The following UBR2 variants were observed in gnomAD, a reference collection of about 807,000 sequenced individuals.
UBR2 encodes the protein E3 ubiquitin-protein ligase UBR2.
In UBR2, 92 loss-of-function variants were observed where a neutral mutation model predicts 247.9. That is an observed-to-expected ratio of 0.37 (90% CI 0.31 to 0.44). The LOEUF is 0.44. Among genes scored for constraint, UBR2 ranks in the 20% least tolerant of loss-of-function variants. The pLI is 1.00. For missense variants in UBR2, 1,613 were observed against 2,112.6 expected (o/e 0.76, Z 4.64); for synonymous variants, 672 against 693.5 (o/e 0.97, Z 0.49).
intron 43 of UBR2, among the ~76,000 whole-genome samples, chr6:42,683,825 C>T (rs1174741635): frequency 6.6e-6 from 1 of 152,192 alleles, no homozygotes; most frequent in Non-Finnish European, 1.5e-5. Context: ...AGAATCCAAA[C>T]AGAAGTAATG....
chr6:42,669,281 C>T lies in UBR2; in HGVS notation c.3882-811C>T, dbSNP rs535456915. Among the ~76,000 whole-genome samples the T allele has an allele frequency of 4.7e-4, 72 of 152,172 alleles. 1 individual carries two copies. Among genetic ancestry groups the T allele is most frequent in the Middle Eastern group, 3.4e-3 (1 of 294 alleles). ...TACTCTCTTTATCTCTTCAGTGTTCCGAAATTTTCTATGATATTTCTTGGT... is the reference window on the plus strand; with the variant it reads ...TACTCTCTTTATCTCTTCAGTGTTCTGAAATTTTCTATGATATTTCTTGGT... On this transcript the variant is annotated intron_variant, in intron 34 of 46. Coordinates refer to ENST00000372901, the MANE Select transcript of UBR2 (RefSeq NM_001363705.2).
chr6:42,590,504 A>G (rs571089807), intron 2 of UBR2, among the ~76,000 whole-genome samples: 320 of 152,384 alleles, frequency 2.1e-3, no homozygotes, highest in Non-Finnish European at 3.2e-3. Context: ...GAAAGTGGGA[A>G]GAGAAACAGT....
rs114602357 is a variant in UBR2 at position 42,574,516 on chromosome 6, C to T, written c.338+523C>T. 6.6e-3 allele frequency among the ~76,000 whole-genome samples: 1,003 copies of T among 152,198 alleles called. 13 individuals carry two copies. The highest frequency in any genetic ancestry group is 0.023 in the African/African-American group (964 of 41,532). ...GGGAATGGTAGTTAGAAACCAAGAT[C>T]TGGGTGCTGTATGCATTTACTGCTG... On this transcript the variant is annotated intron_variant, in intron 2 of 46. Coordinates refer to ENST00000372901, the MANE Select transcript of UBR2 (RefSeq NM_001363705.2).
At chr6:42,648,714 G>T in intron 22 of UBR2, among the ~76,000 whole-genome samples, 1 of 151,356 alleles carries the variant, frequency 6.6e-6, no homozygotes, top group East Asian at 1.9e-4. Flanking sequence ...TTTTTTGTTG[G>T]TTATAAAGAC....
chr6:42,564,133 C>T lies in UBR2; in HGVS notation c.-187C>T. The T allele has an allele frequency of 1.6e-6, 1 of 628,114 alleles. No homozygotes were observed. The highest frequency in any genetic ancestry group is 2.2e-5 in the South Asian group (1 of 45,804). The allele number at this position is 628,114 out of a possible 1,614,324, so 38.9% of individuals were successfully genotyped here. ...TGGGCGCTAAGCTTGGGAGGGAGCGCAGGAGGCCGCTGTCCTTCCTTTCCG... is the reference window on the plus strand; with the variant it reads ...TGGGCGCTAAGCTTGGGAGGGAGCGTAGGAGGCCGCTGTCCTTCCTTTCCG... On this transcript the variant is annotated 5_prime_UTR_variant, in exon 1 of 47. Coordinates refer to ENST00000372901, the MANE Select transcript of UBR2 (RefSeq NM_001363705.2).
At position 42,609,053 on chromosome 6, in the gene UBR2, A is replaced by T. The variant is rs544091841; in HGVS notation, c.864+2402A>T. Reference sequence around the variant, plus strand: ...ATGGACAAAGGATATGAAAAGACAGATCATAACAGAAAATCTAGCTGGTCA... The same window carrying T: ...ATGGACAAAGGATATGAAAAGACAGTTCATAACAGAAAATCTAGCTGGTCA... On this transcript the variant is annotated intron_variant, in intron 7 of 46. Coordinates refer to ENST00000372901, the MANE Select transcript of UBR2 (RefSeq NM_001363705.2). Among the ~76,000 whole-genome samples the T allele has an allele frequency of 2.0e-5, 3 of 152,342 alleles. No individual in the cohort carries two copies. In the South Asian group the frequency reaches 6.2e-4, roughly 32 times the overall value.
intron 2 of UBR2, among the ~76,000 whole-genome samples, chr6:42,583,422 T>C (rs1381286592): frequency 6.6e-6 from 1 of 151,906 alleles, no homozygotes; most frequent in Non-Finnish European, 1.5e-5. Flanking sequence ...TAATTTTCTA[T>C]TTTTAGTAGA....
At chr6:42,586,861 G>A (rs576041971) in intron 2 of UBR2, among the ~76,000 whole-genome samples, 1 of 130,760 alleles carries the variant, frequency 7.6e-6, no homozygotes, top group Non-Finnish European at 1.5e-5. Context: ...TCACTCTGTC[G>A]CTGAGGCTGG....
intron 11 of UBR2, among the ~76,000 whole-genome samples, chr6:42,628,493 G>A (rs904246572): frequency 3.3e-5 from 5 of 152,042 alleles, no homozygotes; most frequent in African/African-American, 1.2e-4. Context: ...AGGCAAAGGT[G>A]GGAGGATCAC....
chr6:42,634,781 G>GGGT (rs1488201919), intron 13 of UBR2, among the ~76,000 whole-genome samples: 8 of 152,176 alleles, frequency 5.3e-5, no homozygotes, highest in Admixed American at 6.5e-5. Flanking sequence ...TTCCTAGGTT[G>GGGT]GGTGGTAGTT....
chr6:42,610,613 A>T (rs542829937), intron 7 of UBR2, among the ~76,000 whole-genome samples: 8 of 152,338 alleles, frequency 5.3e-5, no homozygotes, highest in Admixed American at 3.9e-4. Context: ...GATTCTACTT[A>T]TATGACCTAC....
chr6:42,616,198 T>C (rs1794536652), intron 10 of UBR2, 108 bp downstream of exon 10: 2 of 628,228 alleles, frequency 3.2e-6, no homozygotes, highest in East Asian at 3.1e-5. Flanking sequence ...GTCAATGTGT[T>C]GATATTAAAT....
At chr6:42,671,324 C>T (rs567916118) in intron 36 of UBR2, among the ~76,000 whole-genome samples, 1 of 151,488 alleles carries the variant, frequency 6.6e-6, no homozygotes, top group Non-Finnish European at 1.5e-5. Context: ...TTGGGAAGAT[C>T]ACTGGAGCTG....
chr6:42,565,086 C>T (rs1562267984), intron 1 of UBR2, among the ~76,000 whole-genome samples: 1 of 152,154 alleles, frequency 6.6e-6, no homozygotes. Flanking sequence ...TGTTATATAA[C>T]GTTGATAGAG....
intron 4 of UBR2, among the ~76,000 whole-genome samples, chr6:42,597,580 A>G (rs1793057822): frequency 6.6e-6 from 1 of 150,404 alleles, no homozygotes; most frequent in Non-Finnish European, 1.5e-5. Flanking sequence ...CTTGGGCGAC[A>G]GAGTGAGACT....
chr6:42,573,308 G>T (rs181797292), intron 1 of UBR2, among the ~76,000 whole-genome samples: 130 of 152,200 alleles, frequency 8.5e-4, no homozygotes, highest in Non-Finnish European at 1.4e-3. Context: ...CGTACATATT[G>T]GCTGTTCATA....
intron 38 of UBR2, among the ~76,000 whole-genome samples, chr6:42,675,497 G>A (rs1310973494): frequency 2.6e-5 from 4 of 152,194 alleles, no homozygotes; most frequent in Non-Finnish European, 5.9e-5. Context: ...AATAAGCTAT[G>A]TATAGAGGAC....
chr6:42,598,947 ATTATT>A (rs1169886088), intron 4 of UBR2, among the ~76,000 whole-genome samples: 3 of 152,032 alleles, frequency 2.0e-5, no homozygotes, highest in African/African-American at 4.8e-5. Flanking sequence ...CTTTAAAAAA[ATTATT>A]TTATTTTATT....
chr6:42,687,000 C>A (rs540777154), intron 44 of UBR2, among the ~76,000 whole-genome samples: 1 of 151,492 alleles, frequency 6.6e-6, no homozygotes, highest in African/African-American at 2.4e-5. Flanking sequence ...ACTTCCTAGA[C>A]GGGATGACGG....
Sources: gnomAD v4.1 joint callset for allele counts (sites outside exome capture counted in the v4.1 genomes callset) on GRCh38, gnomAD v4.1.1 for gene constraint, MANE v1.5 for transcripts, NCBI Gene and HGNC (gene_info 2026-07-23, HGNC 2026-07-21) for gene names.